The following INPP4B variants were observed in gnomAD, a reference collection of about 807,000 sequenced individuals.
INPP4B encodes inositol polyphosphate-4-phosphatase type II B, also known as inositol polyphosphate 4-phosphatase type II.
INPP4B carries 55 observed loss-of-function variants against 122.5 expected under a neutral mutation model. The ratio of observed to expected loss-of-function variants is 0.45; its 90% CI spans 0.36 to 0.56. The LOEUF (loss-of-function observed/expected upper bound fraction) is 0.56. Ranked by LOEUF, INPP4B falls within the 20% of genes least tolerant of loss-of-function variation. The pLI is 0.00. For missense variants in INPP4B, 1,000 were observed against 1,097.7 expected, an observed-to-expected ratio of 0.91 and a Z score of 1.26; for synonymous variants, 403 against 388.7, an observed-to-expected ratio of 1.04 and a Z score of -0.43.
At chr4:142,810,657 TC>T (rs1488092074) in intron 1 of INPP4B, among the ~76,000 whole-genome samples, 2 of 152,206 alleles carry the variant, frequency 1.3e-5, no homozygotes, top group Non-Finnish European at 2.9e-5. Context: ...AAAAGGACTC[TC>T]CCAGTTGCTT....
In INPP4B at chr4:142,251,754, A is replaced by G. The variant is rs193025702; in HGVS notation, c.688+8738T>C. On this transcript the variant is annotated intron_variant, in intron 11 of 25. Coordinates refer to ENST00000262992, the MANE Select transcript of INPP4B (RefSeq NM_001101669.3). ...TATCTGTGTGTATAAACAGAGCCAA[A>G]GGGATGCCTCTCCTTCCCCATTCCC... 1.6e-4 allele frequency among the ~76,000 whole-genome samples: 24 copies of G among 152,308 alleles called. No individual in the cohort carries two copies. In the East Asian group the frequency reaches 4.6e-3, roughly 29 times the overall value.
intron 1 of INPP4B, among the ~76,000 whole-genome samples, chr4:142,787,859 A>G (rs1336813669): frequency 1.3e-5 from 2 of 152,056 alleles, no homozygotes; most frequent in Non-Finnish European, 2.9e-5. Context: ...AAACATTCTG[A>G]GAGACTGGTG....
At chr4:142,747,335 C>T (rs1768915527) in intron 1 of INPP4B, among the ~76,000 whole-genome samples, 1 of 152,076 alleles carries the variant, frequency 6.6e-6, no homozygotes, top group African/African-American at 2.4e-5. Context: ...CAACTCACAC[C>T]AGTTAGAATG....
chr4:142,246,059 ATGTG>A (rs57285649), intron 11 of INPP4B, among the ~76,000 whole-genome samples: 22 of 133,146 alleles, frequency 1.7e-4, no homozygotes, highest in South Asian at 2.2e-4. Flanking sequence ...CATTATATAT[ATGTG>A]TGTGTGTATA....
chr4:142,575,249 A>G (rs923502965), intron 2 of INPP4B, among the ~76,000 whole-genome samples: 11 of 152,088 alleles, frequency 7.2e-5, no homozygotes, highest in Non-Finnish European at 1.3e-4. Flanking sequence ...AAAAGGGGAA[A>G]TGAAGAACAA....
chr4:142,283,605 T>C (rs954827138), intron 9 of INPP4B, among the ~76,000 whole-genome samples: 15 of 152,134 alleles, frequency 9.9e-5, no homozygotes, highest in African/African-American at 3.6e-4. Context: ...AGCACGTTAC[T>C]GTACTGAATA....
At chr4:142,679,323 G>T (rs1758253951) in intron 2 of INPP4B, among the ~76,000 whole-genome samples, 1 of 151,894 alleles carries the variant, frequency 6.6e-6, no homozygotes, top group Non-Finnish European at 1.5e-5. Context: ...GAATCCTAAT[G>T]AGATTAGTGC....
At chr4:142,529,929 CA>C (rs1283080355) in intron 2 of INPP4B, among the ~76,000 whole-genome samples, 2 of 151,998 alleles carry the variant, frequency 1.3e-5, no homozygotes, top group African/African-American at 4.8e-5. Context: ...TTAAAATTTG[CA>C]AAGGTTATAA....
chr4:142,543,808 C>T (rs1038888129), intron 2 of INPP4B, among the ~76,000 whole-genome samples: 30 of 151,996 alleles, frequency 2.0e-4, no homozygotes, highest in African/African-American at 6.3e-4. Context: ...TTAAAAAGTC[C>T]TAGCTGTTCC....
At chr4:142,497,143 C>A (rs1822686787) in intron 2 of INPP4B, among the ~76,000 whole-genome samples, 3 of 152,054 alleles carry the variant, frequency 2.0e-5, no homozygotes, top group Admixed American at 2.0e-4. Context: ...TGTGGCCACC[C>A]TGTTTCTCTA....
At chr4:142,487,487 G>GC (rs1022115315) in intron 2 of INPP4B, among the ~76,000 whole-genome samples, 2 of 151,872 alleles carry the variant, frequency 1.3e-5, no homozygotes, top group African/African-American at 2.4e-5. Context: ...TTCTACCCTA[G>GC]CCCCCCAAAA....
At chr4:142,251,316 C>T (rs1446421047) in intron 11 of INPP4B, among the ~76,000 whole-genome samples, 1 of 152,094 alleles carries the variant, frequency 6.6e-6, no homozygotes, top group Non-Finnish European at 1.5e-5. Flanking sequence ...CTGTATTTAA[C>T]ATGAACTTAA....
At chr4:142,355,177 C>G (rs2148441983) in intron 7 of INPP4B, among the ~76,000 whole-genome samples, 1 of 152,114 alleles carries the variant, frequency 6.6e-6, no homozygotes, top group African/African-American at 2.4e-5. Context: ...AGTTCAGAAG[C>G]CACATTATAT....
intron 7 of INPP4B, among the ~76,000 whole-genome samples, chr4:142,340,389 ACGTACTTCTTT>A (rs1778258766): frequency 8.3e-6 from 1 of 120,522 alleles, no homozygotes; most frequent in African/African-American, 2.9e-5. Context: ...ATGCCATATA[ACGTACTTCTTT>A]CTTTTTTTTC....
chr4:142,569,113 C>T (rs977900924), intron 2 of INPP4B, among the ~76,000 whole-genome samples: 1 of 152,024 alleles, frequency 6.6e-6, no homozygotes, highest in African/African-American at 2.4e-5. Flanking sequence ...ACATTGCACA[C>T]AATTGTACAC....
chr4:142,709,479 T>A (rs1486713494), intron 2 of INPP4B, among the ~76,000 whole-genome samples: 1 of 152,150 alleles, frequency 6.6e-6, no homozygotes, highest in African/African-American at 2.4e-5. Flanking sequence ...TCTGGTGGGA[T>A]GTGACTGTAT....
chr4:142,636,135 C>G (rs964880613), intron 2 of INPP4B, among the ~76,000 whole-genome samples: 4 of 152,008 alleles, frequency 2.6e-5, no homozygotes, highest in Non-Finnish European at 5.9e-5. Flanking sequence ...CACTCAGCAC[C>G]CATTCTGCCT....
At chr4:142,137,168 T>C (rs992349156) in intron 18 of INPP4B, among the ~76,000 whole-genome samples, 1 of 152,196 alleles carries the variant, frequency 6.6e-6, no homozygotes, top group African/African-American at 2.4e-5. Context: ...AACAGCATGA[T>C]ACTGGTACCA....
At chr4:142,325,735 T>A (rs1432619810) in intron 7 of INPP4B, among the ~76,000 whole-genome samples, 1 of 152,182 alleles carries the variant, frequency 6.6e-6, no homozygotes, top group Non-Finnish European at 1.5e-5. Context: ...TTGGTGGCGC[T>A]TTAAAACTTC....
Sources: gnomAD v4.1 joint callset for allele counts (sites outside exome capture counted in the v4.1 genomes callset) on GRCh38, gnomAD v4.1.1 for gene constraint, MANE v1.5 for transcripts, NCBI Gene and HGNC (gene_info 2026-07-23, HGNC 2026-07-21) for gene names.